ZFPM2: variants seen among roughly 807,000 people sequenced by gnomAD.
ZFPM2 encodes zinc finger protein, FOG family member 2.
ZFPM2 carries 20 observed loss-of-function variants against 98.6 expected under a neutral mutation model. The ratio of observed to expected loss-of-function variants is 0.20; its 90% CI spans 0.14 to 0.29. The LOEUF is 0.29. ZFPM2 is among the 10% of genes least tolerant of loss of function. ZFPM2 has a pLI of 1.00. For missense variants in ZFPM2, 1,310 were observed against 1,388.6 expected, an observed-to-expected ratio of 0.94 and a Z score of 0.90; for synonymous variants, 518 against 502.7, an observed-to-expected ratio of 1.03 and a Z score of -0.41.
chr8:105,617,028 A>G (rs1427603448), intron 4 of ZFPM2, among the ~76,000 whole-genome samples: 4 of 59,974 alleles, frequency 6.7e-5, no homozygotes, highest in African/African-American at 2.5e-4. Flanking sequence ...TCGAAAAAAA[A>G]AAAAAAAAAA....
chr8:105,608,445 A>G (rs1048173625), intron 4 of ZFPM2, among the ~76,000 whole-genome samples: 1 of 152,144 alleles, frequency 6.6e-6, no homozygotes, highest in Non-Finnish European at 1.5e-5. Context: ...GGCACACTGC[A>G]TACTTTGTGT....
chr8:105,390,564 A>G (rs183664589), intron 1 of ZFPM2, among the ~76,000 whole-genome samples: 36 of 152,214 alleles, frequency 2.4e-4, no homozygotes, highest in African/African-American at 7.5e-4. Context: ...CTTTGCCAAC[A>G]TGATTGAACT....
At chr8:105,573,647 T>C (rs528497194) in intron 4 of ZFPM2, among the ~76,000 whole-genome samples, 22 of 152,346 alleles carry the variant, frequency 1.4e-4, no homozygotes, top group African/African-American at 5.1e-4. Context: ...TATTTAGATA[T>C]TAATTTTGCA....
chr8:105,712,542 C>CG (rs1811426824), intron 5 of ZFPM2, among the ~76,000 whole-genome samples: 2 of 151,804 alleles, frequency 1.3e-5, no homozygotes, highest in African/African-American at 2.4e-5. Context: ...GACTACAAGC[C>CG]ATTTTTTTTG....
intron 4 of ZFPM2, among the ~76,000 whole-genome samples, chr8:105,570,843 G>C (rs1345477856): frequency 6.6e-6 from 1 of 151,994 alleles, no homozygotes; most frequent in African/African-American, 2.4e-5. Context: ...TTTGGCCTTT[G>C]GTTTATATGG....
intron 4 of ZFPM2, among the ~76,000 whole-genome samples, chr8:105,634,030 C>A (rs978418877): frequency 2.7e-5 from 4 of 149,870 alleles, no homozygotes; most frequent in Non-Finnish European, 4.5e-5. Context: ...AAAAAAAAAT[C>A]CTTGATAATA....
intron 1 of ZFPM2, among the ~76,000 whole-genome samples, chr8:105,398,874 T>C (rs1051795791): frequency 3.9e-5 from 6 of 152,150 alleles, no homozygotes; most frequent in African/African-American, 1.4e-4. Context: ...CAATAAAAAC[T>C]GTGCTGAGAT....
At chr8:105,701,970 G>A (rs1246636971) in intron 5 of ZFPM2, among the ~76,000 whole-genome samples, 1 of 152,146 alleles carries the variant, frequency 6.6e-6, no homozygotes. Context: ...TTTATAATCA[G>A]CAGTGTTGGA....
At chr8:105,589,895 TA>T (rs1815805297) in intron 4 of ZFPM2, among the ~76,000 whole-genome samples, 2 of 135,726 alleles carry the variant, frequency 1.5e-5, no homozygotes, top group South Asian at 5.1e-4. Flanking sequence ...CTAATTTTTG[TA>T]TTTTTTAGTA....
At chr8:105,678,897 C>T (rs1325635224) in intron 5 of ZFPM2, 5 of 152,138 alleles carry the variant, frequency 3.3e-5, no homozygotes, top group African/African-American at 4.8e-5. Flanking sequence ...TTTGATTTCT[C>T]TCTAATTTCT....
intron 5 of ZFPM2, among the ~76,000 whole-genome samples, chr8:105,681,684 CAGTT>C (rs954415249): frequency 2.6e-5 from 4 of 152,088 alleles, no homozygotes; most frequent in African/African-American, 7.2e-5. Context: ...CATTGAATAA[CAGTT>C]AGTTCCCTCT....
intron 5 of ZFPM2, among the ~76,000 whole-genome samples, chr8:105,645,906 A>C (rs1817031951): frequency 6.6e-6 from 1 of 151,916 alleles, no homozygotes; most frequent in Non-Finnish European, 1.5e-5. Context: ...AAAAAAAATT[A>C]ACTGGGCATG....
chr8:105,537,818 C>A (rs1814486952), intron 3 of ZFPM2, among the ~76,000 whole-genome samples: 1 of 152,028 alleles, frequency 6.6e-6, no homozygotes, highest in Non-Finnish European at 1.5e-5. Context: ...GCAACCTCCA[C>A]CTCCTGGATT....
chr8:105,768,734 A>C (rs1586249857), intron 5 of ZFPM2, among the ~76,000 whole-genome samples: 1 of 152,096 alleles, frequency 6.6e-6, no homozygotes, highest in African/African-American at 2.4e-5. Flanking sequence ...CTACCTTGTA[A>C]AATTGTTTGG....
chr8:105,661,683 A>G (rs1048283738), intron 5 of ZFPM2, among the ~76,000 whole-genome samples: 1 of 147,528 alleles, frequency 6.8e-6, no homozygotes, highest in African/African-American at 2.5e-5. Flanking sequence ...GGGCTCTGTG[A>G]TTTTTTTTTT....
intron 4 of ZFPM2, among the ~76,000 whole-genome samples, chr8:105,574,263 G>A (rs946619949): frequency 1.3e-5 from 2 of 152,102 alleles, no homozygotes; most frequent in African/African-American, 2.4e-5. Context: ...ATAAGTAAAC[G>A]GTATGGACTT....
intron 4 of ZFPM2, among the ~76,000 whole-genome samples, chr8:105,581,055 T>G (rs1438687276): frequency 2.6e-5 from 4 of 152,108 alleles, no homozygotes; most frequent in Admixed American, 1.3e-4. Flanking sequence ...TAATATCTTC[T>G]TCATGGAAAT....
chr8:105,598,265 G>C (rs1378309256), intron 4 of ZFPM2, among the ~76,000 whole-genome samples: 1 of 151,960 alleles, frequency 6.6e-6, no homozygotes, highest in East Asian at 1.9e-4. Context: ...TGAGAAAGCT[G>C]TCCTACACAT....
chr8:105,669,084 T>C (rs148360266), intron 5 of ZFPM2, among the ~76,000 whole-genome samples: 132 of 152,174 alleles, frequency 8.7e-4, no homozygotes, highest in African/African-American at 3.0e-3. Flanking sequence ...AAAAGAGTAA[T>C]AAACTAGCTA....
Sources: gnomAD v4.1 joint callset for allele counts (sites outside exome capture counted in the v4.1 genomes callset) on GRCh38, gnomAD v4.1.1 for gene constraint, MANE v1.5 for transcripts, NCBI Gene and HGNC (gene_info 2026-07-23, HGNC 2026-07-21) for gene names.